Variants in DNAH3 observed in about 807,000 individuals in gnomAD.
The protein encoded by DNAH3 is dynein axonemal heavy chain 3.
Under a neutral mutation model 432.5 loss-of-function variants are expected in DNAH3, and 332 were observed. The observed-to-expected ratio is 0.77, with a 90% CI of 0.70 to 0.84. DNAH3 has a LOEUF of 0.84. Among genes scored for constraint, DNAH3 ranks in the 40% least tolerant of loss-of-function variants. The probability of loss-of-function intolerance (pLI) is 0.00; values close to 1 mark genes in which losing one functional copy is unlikely to be tolerated. For synonymous variants in DNAH3, 1,956 were observed against 1,900.2 expected, an observed-to-expected ratio of 1.03 and a Z score of -0.76; for missense variants, 4,861 against 5,114.0, an observed-to-expected ratio of 0.95 and a Z score of 1.51.
At chr16:21,129,744 A>T (rs529011540) in intron 7 of DNAH3, among the ~76,000 whole-genome samples, 1 of 150,096 alleles carries the variant, frequency 6.7e-6, no homozygotes, top group Admixed American at 6.7e-5. Context: ...CTCAAAAACA[A>T]AAACAAATGC....
rs2083597522 is a variant in DNAH3, at chr16:20,936,608, C to T, written c.11859+41G>A. On this transcript the variant is annotated intron_variant, in intron 60 of 61. Coordinates refer to ENST00000261383, the Ensembl canonical transcript of DNAH3. ...TTTCAGAATGTCCTCTCCACCTAAG[C>T]AAGCATGCCAGGTTCCCGGTTACCC... The T allele has an allele frequency of 3.2e-6, 5 of 1,538,552 alleles. No individual in the cohort carries two copies. In the South Asian group the frequency reaches 4.8e-5, roughly 15 times the overall value.
At chr16:21,147,314 G>A (rs2092798485) in intron 1 of DNAH3, among the ~76,000 whole-genome samples, 1 of 151,700 alleles carries the variant, frequency 6.6e-6, no homozygotes, top group Non-Finnish European at 1.5e-5. Context: ...CTGCTTCCCA[G>A]GTTCAAGCAA....
intron 11 of DNAH3, among the ~76,000 whole-genome samples, chr16:21,119,648 G>A (rs1253043113): frequency 1.3e-5 from 2 of 151,392 alleles, no homozygotes; most frequent in Non-Finnish European, 2.9e-5. Flanking sequence ...CCAGGCTGGA[G>A]TGCAATGGCG....
chr16:20,994,210 A>G (rs765114102), intron 44 of DNAH3, among the ~76,000 whole-genome samples: 3 of 152,060 alleles, frequency 2.0e-5, no homozygotes, highest in Non-Finnish European at 4.4e-5. Context: ...TGGGTGGATC[A>G]CCTGAGATCC....
At chr16:21,141,150 T>A (rs917929341) in intron 4 of DNAH3, 150 bp downstream of exon 5, 707 of 489,652 alleles carry the variant, frequency 1.4e-3, no homozygotes, top group Middle Eastern at 1.9e-3. Context: ...AAAAAAAAAA[T>A]TTTTTTTTTG....
At position 21,036,327 on chromosome 16, in the gene DNAH3, AAAACAAAC is replaced by A. The variant is rs752666325; in HGVS notation, c.5085+379_5085+386del. Among the ~76,000 whole-genome samples, 4 of 152,276 alleles carry A rather than the reference AAAACAAAC, an allele frequency of 2.6e-5. No homozygotes were observed. The South Asian group carries it at 6.2e-4, about 24-fold the overall frequency. Reference sequence around the variant, plus strand: ...GGCAACAGAGCAAGACTGCATCTCAAAAACAAACAAACAAACAAACAAACACAAAAACT... The same window carrying A: ...GGCAACAGAGCAAGACTGCATCTCAAAAACAAACAAACAAACACAAAAACT... On this transcript the variant is annotated intron_variant, in intron 35 of 61. Coordinates refer to ENST00000261383, the Ensembl canonical transcript of DNAH3.
At chr16:20,982,630 G>T in intron 49 of DNAH3, 91 bp downstream of exon 49, 1 of 1,064,804 alleles carries the variant, frequency 9.4e-7, no homozygotes, top group Non-Finnish European at 1.3e-6. Context: ...TATACAAATT[G>T]AGAAATCTTC....
chr16:20,961,515 AAAAAT>A (rs71151604), intron 53 of DNAH3, among the ~76,000 whole-genome samples: 470 of 148,754 alleles, frequency 3.2e-3, no homozygotes, highest in African/African-American at 8.8e-3. Flanking sequence ...AAATGAATAA[AAAAAT>A]AAAATAAAAT....
At chr16:21,060,172 G>T in intron 26 of DNAH3, 92 bp downstream of exon 26, 1 of 1,017,644 alleles carries the variant, frequency 9.8e-7, no homozygotes, top group Non-Finnish European at 1.5e-6. Flanking sequence ...GAAAGCAGAG[G>T]GTCCAGCCAA....
chr16:21,135,248 C>T (rs911856738), intron 6 of DNAH3, among the ~76,000 whole-genome samples: 1 of 152,148 alleles, frequency 6.6e-6, no homozygotes, highest in Non-Finnish European at 1.5e-5. Context: ...TGATTTCTCA[C>T]ACCAAAATAG....
chr16:21,083,536 CACAGTAGCA>C (rs1242097087), intron 19 of DNAH3, among the ~76,000 whole-genome samples: 1 of 152,158 alleles, frequency 6.6e-6, no homozygotes, highest in Non-Finnish European at 1.5e-5. Context: ...CGTTTGAAAC[CACAGTAGCA>C]ACCCCTTTGC....
exon 60 of DNAH3, chr16:20,936,804 T>C: frequency 6.2e-7 from 1 of 1,613,638 alleles, no homozygotes; most frequent in Non-Finnish European, 8.5e-7. Context: ...ACCTGTCCTT[T>C]GATGGCTCGG....
intron 20 of DNAH3, among the ~76,000 whole-genome samples, chr16:21,077,846 T>A (rs1215330154): frequency 6.6e-6 from 1 of 152,192 alleles, no homozygotes; most frequent in Non-Finnish European, 1.5e-5. Flanking sequence ...AGGAAGCAAG[T>A]GACATGTCCA....
chr16:21,138,937 A>G (rs1490986590), intron 5 of DNAH3, among the ~76,000 whole-genome samples: 1 of 152,198 alleles, frequency 6.6e-6, no homozygotes, highest in Non-Finnish European at 1.5e-5. Flanking sequence ...CCGCAACTGG[A>G]CAATAGAGAT....
At chr16:21,121,479 C>T (rs1351198669) in intron 10 of DNAH3, among the ~76,000 whole-genome samples, 3 of 151,350 alleles carry the variant, frequency 2.0e-5, no homozygotes, top group Non-Finnish European at 4.4e-5. Context: ...AAGTTAATGG[C>T]AATTGATTCA....
intron 7 of DNAH3, among the ~76,000 whole-genome samples, chr16:21,133,062 A>G (rs1278201368): frequency 2.0e-5 from 3 of 152,078 alleles, no homozygotes; most frequent in African/African-American, 7.2e-5. Flanking sequence ...ACATAAAGGA[A>G]TAAGACCGTC....
At chr16:21,071,061 A>G (rs1167984545) in intron 21 of DNAH3, among the ~76,000 whole-genome samples, 1 of 151,024 alleles carries the variant, frequency 6.6e-6, no homozygotes, top group East Asian at 2.0e-4. Flanking sequence ...TTTTTTTTTA[A>G]GACAGAGTTT....
chr16:20,950,486 C>T (rs2084263760), intron 56 of DNAH3, among the ~76,000 whole-genome samples: 1 of 152,178 alleles, frequency 6.6e-6, no homozygotes, highest in African/African-American at 2.4e-5. Flanking sequence ...GCTGAAATCA[C>T]CCACAGTTAG....
chr16:21,026,700 C>CAA (rs35667454), intron 38 of DNAH3, among the ~76,000 whole-genome samples: 4,293 of 47,044 alleles, frequency 0.091, 260 homozygotes, highest in East Asian at 0.17. Flanking sequence ...TACTCCGTCT[C>CAA]AAAAAAAAAA....
Sources: allele counts gnomAD v4.1 joint callset (sites outside exome capture counted in the v4.1 genomes callset), GRCh38; gene constraint gnomAD v4.1.1; transcripts MANE v1.5; gene names NCBI Gene and HGNC (gene_info 2026-07-23, HGNC 2026-07-21).